The following ADAM23 variants were observed in gnomAD, a reference collection of about 807,000 sequenced individuals.
ADAM23 encodes the protein disintegrin and metalloproteinase domain-containing protein 23.
Under a neutral mutation model 120.1 loss-of-function variants are expected in ADAM23, and 33 were observed. The observed-to-expected ratio is 0.27, with a 90% CI of 0.21 to 0.37. The LOEUF (loss-of-function observed/expected upper bound fraction) is 0.37, where lower values mean the gene tolerates loss of function less well. Ranked by LOEUF, ADAM23 falls within the 10% of genes least tolerant of loss-of-function variation. The pLI is 1.00. For synonymous variants in ADAM23, 367 were observed against 375.2 expected, an observed-to-expected ratio of 0.98 and a Z score of 0.25; for missense variants, 862 against 1,058.2, an observed-to-expected ratio of 0.81 and a Z score of 2.57.
rs188740438 is a variant in ADAM23, at chr2:206,470,763, G to C, written c.433-10469G>C. On this transcript the variant is annotated intron_variant, in intron 2 of 25. Coordinates refer to ENST00000264377, the MANE Select transcript of ADAM23 (RefSeq NM_003812.4). ...ATACAACCCATCCATAGTCGTAGAT[G>C]AGGTCAGAATTCAGTGCAAAGGACA... 3.0e-4 allele frequency among the ~76,000 whole-genome samples: 46 copies of C among 152,292 alleles called. 1 individual carries two copies. Among genetic ancestry groups the C allele is most frequent in the East Asian group, 2.9e-3 (15 of 5,178 alleles).
intron 3 of ADAM23, among the ~76,000 whole-genome samples, chr2:206,495,819 A>G (rs1304040964): frequency 1.3e-5 from 2 of 152,208 alleles, no homozygotes; most frequent in Admixed American, 1.3e-4. Flanking sequence ...TACCAAGCCA[A>G]TGGAAAACAA....
At chr2:206,558,527 C>T (rs763007784) in intron 10 of ADAM23, among the ~76,000 whole-genome samples, 2 of 152,080 alleles carry the variant, frequency 1.3e-5, no homozygotes, top group South Asian at 2.1e-4. Context: ...GGATGTGCGT[C>T]GAGTATCTCA....
intron 25 of ADAM23, among the ~76,000 whole-genome samples, chr2:206,612,351 T>C (rs1477384473): frequency 6.6e-6 from 1 of 152,262 alleles, no homozygotes; most frequent in East Asian, 1.9e-4. Flanking sequence ...AATTATTTGC[T>C]ATTTGAACTG....
intron 4 of ADAM23, among the ~76,000 whole-genome samples, chr2:206,539,015 G>A (rs939298402): frequency 6.6e-6 from 1 of 152,132 alleles, no homozygotes; most frequent in South Asian, 2.1e-4. Flanking sequence ...GCCATTTCTG[G>A]TTAGGAAGTA....
intron 18 of ADAM23, among the ~76,000 whole-genome samples, chr2:206,577,288 T>G (rs1698133143): frequency 6.6e-6 from 1 of 151,226 alleles, no homozygotes; most frequent in Admixed American, 6.6e-5. Context: ...ATACTTTAAG[T>G]TTTAGGGTAC....
intron 2 of ADAM23, among the ~76,000 whole-genome samples, chr2:206,479,763 T>G (rs571234892): frequency 9.0e-4 from 137 of 152,258 alleles, no homozygotes; most frequent in Non-Finnish European, 1.7e-3. Flanking sequence ...TCTAGAAGGT[T>G]GTTTGGAATT....
At chr2:206,511,100 G>A (rs1696613332) in intron 3 of ADAM23, among the ~76,000 whole-genome samples, 1 of 151,958 alleles carries the variant, frequency 6.6e-6, no homozygotes, top group African/African-American at 2.4e-5. Context: ...ATTCCTGACT[G>A]TATTTTCGTT....
At chr2:206,509,704 C>T (rs1056029317) in intron 3 of ADAM23, among the ~76,000 whole-genome samples, 1 of 152,236 alleles carries the variant, frequency 6.6e-6, no homozygotes, top group African/African-American at 2.4e-5. Flanking sequence ...CGGCCTTGGC[C>T]TCCCAAAGTG....
At chr2:206,506,989 C>T (rs1034113111) in intron 3 of ADAM23, among the ~76,000 whole-genome samples, 7 of 152,130 alleles carry the variant, frequency 4.6e-5, no homozygotes, top group African/African-American at 1.7e-4. Context: ...AAAAGGTGCT[C>T]AGAGGATCTG....
intron 3 of ADAM23, among the ~76,000 whole-genome samples, chr2:206,520,014 CAAAAAAA>C (rs1466005834): frequency 6.6e-6 from 1 of 151,386 alleles, no homozygotes; most frequent in African/African-American, 2.4e-5. Context: ...GAGCCTGCCT[CAAAAAAA>C]TAAAAAATAA....
intron 24 of ADAM23, chr2:206,608,086 A>AG (rs1698763056): frequency 2.8e-6 from 1 of 354,072 alleles, no homozygotes; most frequent in Non-Finnish European, 5.5e-6. Flanking sequence ...AATACATGTA[A>AG]GTAGAATAAA....
chr2:206,595,646 G>A (rs960522066), intron 23 of ADAM23, among the ~76,000 whole-genome samples: 3 of 152,138 alleles, frequency 2.0e-5, no homozygotes. Flanking sequence ...ATTTATTGAA[G>A]TAAGTGTATA....
At chr2:206,494,270 T>C (rs1266705141) in intron 3 of ADAM23, among the ~76,000 whole-genome samples, 1 of 152,246 alleles carries the variant, frequency 6.6e-6, no homozygotes, top group Non-Finnish European at 1.5e-5. Context: ...AAGGGATTCT[T>C]AGAAACTTAC....
chr2:206,588,823 G>T (rs1698374117), intron 20 of ADAM23, among the ~76,000 whole-genome samples: 1 of 152,160 alleles, frequency 6.6e-6, no homozygotes, highest in Non-Finnish European at 1.5e-5. Flanking sequence ...TGAGAACAGG[G>T]CTCTGGCATG....
rs1239874116 is a variant in ADAM23, at chr2:206,557,327, C to G, written c.934-100C>G. 9 of 962,860 alleles carry G rather than the reference C, an allele frequency of 9.3e-6. No homozygotes were observed. The East Asian group carries it at 2.2e-4, about 23-fold the overall frequency. 59.6% of individuals were successfully genotyped at this position (962,860 alleles called of 1,614,324 possible). ...AAACTAAATTATATATTTTTAAATCCATATTTCTACTATTACTGAGATATT... is the reference window on the plus strand; with the variant it reads ...AAACTAAATTATATATTTTTAAATCGATATTTCTACTATTACTGAGATATT... On this transcript the variant is annotated intron_variant, in intron 9 of 25. Coordinates refer to ENST00000264377, the MANE Select transcript of ADAM23 (RefSeq NM_003812.4).
At chr2:206,505,172 T>C (rs1400963895) in intron 3 of ADAM23, among the ~76,000 whole-genome samples, 6 of 152,200 alleles carry the variant, frequency 3.9e-5, no homozygotes, top group Non-Finnish European at 8.8e-5. Context: ...TAGTTTAGAT[T>C]TGGTTTTCAC....
intron 24 of ADAM23, among the ~76,000 whole-genome samples, chr2:206,602,701 T>C (rs1186352888): frequency 1.3e-5 from 2 of 152,150 alleles, no homozygotes; most frequent in African/African-American, 4.8e-5. Flanking sequence ...CAGCACATTT[T>C]CAAAATGTCT....
At chr2:206,475,574 G>A (rs746590546) in intron 2 of ADAM23, among the ~76,000 whole-genome samples, 14 of 151,244 alleles carry the variant, frequency 9.3e-5, no homozygotes, top group South Asian at 2.1e-4. Context: ...TACTGTTTTC[G>A]TATGAAAAGA....
At chr2:206,494,839 T>A (rs572581991) in intron 3 of ADAM23, among the ~76,000 whole-genome samples, 54 of 152,240 alleles carry the variant, frequency 3.5e-4, no homozygotes, top group African/African-American at 1.3e-3. Flanking sequence ...GCACGAGAAC[T>A]ATGTGACGAA....
Sources: allele counts gnomAD v4.1 joint callset (sites outside exome capture counted in the v4.1 genomes callset), GRCh38; gene constraint gnomAD v4.1.1; transcripts MANE v1.5; gene names NCBI Gene and HGNC (gene_info 2026-07-23, HGNC 2026-07-21).